The following GRID1 variants were observed in gnomAD, a reference collection of about 807,000 sequenced individuals.
GRID1 encodes the protein glutamate receptor ionotropic, delta-1.
GRID1 carries 28 observed loss-of-function variants against 98.0 expected under a neutral mutation model. The observed-to-expected ratio is 0.29, with a 90% confidence interval of 0.21 to 0.39. GRID1 has a LOEUF of 0.39. Ranked by LOEUF, GRID1 falls within the 10% of genes least tolerant of loss-of-function variation. GRID1 has a pLI of 1.00. For synonymous variants in GRID1, 553 were observed against 538.5 expected (o/e 1.03, Z -0.37); for missense variants, 1,111 against 1,340.5 (o/e 0.83, Z 2.67).
At chr10:86,016,146 CTTTTTTTT>C (rs34064996) in intron 4 of GRID1, among the ~76,000 whole-genome samples, 1 of 132,508 alleles carries the variant, frequency 7.5e-6, no homozygotes, top group African/African-American at 2.7e-5. Context: ...AGAGCACCAT[CTTTTTTTT>C]TTTTTTTTTT....
intron 5 of GRID1, among the ~76,000 whole-genome samples, chr10:85,879,214 A>G (rs1293891417): frequency 6.6e-6 from 1 of 152,166 alleles, no homozygotes; most frequent in Admixed American, 6.5e-5. Context: ...CAGATCAACG[A>G]GACAGAAAGT....
intron 2 of GRID1, among the ~76,000 whole-genome samples, chr10:86,319,377 G>A (rs895847042): frequency 6.6e-6 from 1 of 152,192 alleles, no homozygotes; most frequent in South Asian, 2.1e-4. Context: ...CAACCTAGGG[G>A]TGTTACAGTG....
intron 8 of GRID1, among the ~76,000 whole-genome samples, chr10:85,833,039 A>G (rs1468271807): frequency 2.6e-5 from 4 of 152,158 alleles, no homozygotes; most frequent in Non-Finnish European, 4.4e-5. Context: ...TGAGGGTCCA[A>G]GACTCCACAC....
At chr10:86,353,035 C>T (rs1009366001) in intron 2 of GRID1, among the ~76,000 whole-genome samples, 1 of 152,226 alleles carries the variant, frequency 6.6e-6, no homozygotes, top group Non-Finnish European at 1.5e-5. Flanking sequence ...CAGGCCTACA[C>T]ATCTGAGGCC....
At chr10:86,143,909 GC>G (rs551992021) in intron 3 of GRID1, among the ~76,000 whole-genome samples, 339 of 152,244 alleles carry the variant, frequency 2.2e-3, no homozygotes, top group African/African-American at 7.7e-3. Context: ...CCTTGACATC[GC>G]CTCTCTGCCT....
At chr10:86,177,513 A>G (rs575675376) in intron 3 of GRID1, among the ~76,000 whole-genome samples, 1 of 152,228 alleles carries the variant, frequency 6.6e-6, no homozygotes, top group African/African-American at 2.4e-5. Context: ...CATGAGAGAG[A>G]CAGAGATTTT....
intron 2 of GRID1, among the ~76,000 whole-genome samples, chr10:86,308,867 A>G (rs932037296): frequency 1.3e-5 from 2 of 151,616 alleles, no homozygotes; most frequent in African/African-American, 4.9e-5. Flanking sequence ...TAATGAACCC[A>G]CTCCCTCAAT....
In GRID1 at chr10:86,152,922, T is replaced by C. The variant is rs533265530; in HGVS notation, c.521-13898A>G. ...AGTGTTCTTTAAATTATGTATTTAA[T>C]TTACATAATTACTTTCTGATATTTA... On this transcript the variant is annotated intron_variant, in intron 3 of 15. Transcript: ENST00000327946. Among the ~76,000 whole-genome samples the C allele has an allele frequency of 9.9e-4, 151 of 152,368 alleles. 1 individual carries two copies. Among genetic ancestry groups the C allele is most frequent in the African/African-American group, 3.5e-3 (145 of 41,588 alleles).
intron 4 of GRID1, among the ~76,000 whole-genome samples, chr10:86,064,529 T>A (rs1589358172): frequency 6.6e-6 from 1 of 152,202 alleles, no homozygotes; most frequent in Non-Finnish European, 1.5e-5. Context: ...CTGGGCCAGC[T>A]GCAATGGGTA....
At chr10:85,637,060 C>T (rs1220282167) in intron 13 of GRID1, among the ~76,000 whole-genome samples, 1 of 152,042 alleles carries the variant, frequency 6.6e-6, no homozygotes, top group Non-Finnish European at 1.5e-5. Context: ...AAATACTAGT[C>T]ACTAATTTTT....
rs1040666092 is a variant in GRID1, at chr10:85,806,590, A to G, written c.1233+47906T>C. 5.8e-4 allele frequency among the ~76,000 whole-genome samples: 88 copies of G among 150,750 alleles called. 1 individual carries two copies. Among genetic ancestry groups the G allele is most frequent in the African/African-American group, 2.1e-3 (84 of 40,098 alleles). ...TTCATAAAATTGTGATAATATTCAT[A>G]TAATGAAATGCCACTCAAATAAAAA... On this transcript the variant is annotated intron_variant, in intron 8 of 15. Coordinates refer to ENST00000327946, the MANE Select transcript of GRID1 (RefSeq NM_017551.3).
At chr10:85,823,282 T>A (rs1842789828) in intron 8 of GRID1, among the ~76,000 whole-genome samples, 1 of 152,122 alleles carries the variant, frequency 6.6e-6, no homozygotes, top group African/African-American at 2.4e-5. Flanking sequence ...AATATACACT[T>A]GAAATGGGTG....
At chr10:85,897,638 A>G (rs1180893591) in intron 5 of GRID1, among the ~76,000 whole-genome samples, 2 of 152,178 alleles carry the variant, frequency 1.3e-5, no homozygotes, top group Non-Finnish European at 2.9e-5. Context: ...AATGTTATAT[A>G]TTTATGATGT....
At chr10:85,639,283 T>G (rs1290226522) in intron 13 of GRID1, among the ~76,000 whole-genome samples, 1 of 152,224 alleles carries the variant, frequency 6.6e-6, no homozygotes, top group African/African-American at 2.4e-5. Flanking sequence ...TGAGTAAATC[T>G]CATATACATT....
intron 2 of GRID1, among the ~76,000 whole-genome samples, chr10:86,272,712 T>C (rs541188370): frequency 1.3e-5 from 2 of 152,046 alleles, no homozygotes; most frequent in Non-Finnish European, 1.5e-5. Context: ...AGACATACAA[T>C]AGACTGCCTA....
At chr10:85,756,129 T>C (rs779594586) in intron 8 of GRID1, among the ~76,000 whole-genome samples, 1 of 152,198 alleles carries the variant, frequency 6.6e-6, no homozygotes, top group Non-Finnish European at 1.5e-5. Flanking sequence ...TGCCATCAAC[T>C]GGAACACGTT....
intron 4 of GRID1, among the ~76,000 whole-genome samples, chr10:86,020,963 T>C (rs938908171): frequency 6.6e-6 from 1 of 152,188 alleles, no homozygotes; most frequent in Admixed American, 6.5e-5. Context: ...AACAGAATAT[T>C]AGCAGCCCCC....
chr10:86,345,580 G>A (rs141343594), intron 2 of GRID1, among the ~76,000 whole-genome samples: 12 of 152,270 alleles, frequency 7.9e-5, no homozygotes, highest in Non-Finnish European at 1.5e-4. Flanking sequence ...CTCAGGGAGC[G>A]GCCCTGAATC....
intron 5 of GRID1, among the ~76,000 whole-genome samples, chr10:85,882,297 C>T (rs1396512485): frequency 6.6e-6 from 1 of 152,182 alleles, no homozygotes; most frequent in Non-Finnish European, 1.5e-5. Context: ...GATTATAAAT[C>T]ATGCTGCTAT....
Sources: gnomAD v4.1 joint callset for allele counts (sites outside exome capture counted in the v4.1 genomes callset) on GRCh38, gnomAD v4.1.1 for gene constraint, MANE v1.5 for transcripts, NCBI Gene and HGNC (gene_info 2026-07-23, HGNC 2026-07-21) for gene names.